NDST4: variants seen among roughly 807,000 people sequenced by gnomAD.
NDST4 encodes N-heparan sulfate sulfotransferase 4.
Under a neutral mutation model 100.8 loss-of-function variants are expected in NDST4, and 63 were observed. The ratio of observed to expected loss-of-function variants is 0.62; its 90% CI spans 0.51 to 0.77. The LOEUF is 0.77. NDST4 is among the 30% of genes least tolerant of loss of function. The pLI, the probability that NDST4 is intolerant of heterozygous loss-of-function variation, is 0.00. For missense variants in NDST4, 943 were observed against 1,018.4 expected, an observed-to-expected ratio of 0.93 and a Z score of 1.01; for synonymous variants, 377 against 361.8, an observed-to-expected ratio of 1.04 and a Z score of -0.48.
chr4:115,055,249 T>C (rs1277854927), intron 2 of NDST4, among the ~76,000 whole-genome samples: 1 of 152,090 alleles, frequency 6.6e-6, no homozygotes, highest in Non-Finnish European at 1.5e-5. Context: ...TATGGTAACG[T>C]GTATAATTAT....
intron 2 of NDST4, among the ~76,000 whole-genome samples, chr4:115,038,742 C>G (rs1019933164): frequency 1.2e-4 from 18 of 152,064 alleles, no homozygotes; most frequent in African/African-American, 4.3e-4. Context: ...TTTGGGAGGC[C>G]AGGAAGGCAG....
At chr4:115,048,097 A>ATTTTT (rs34190385) in intron 2 of NDST4, among the ~76,000 whole-genome samples, 5 of 146,906 alleles carry the variant, frequency 3.4e-5, no homozygotes, top group African/African-American at 1.2e-4. Flanking sequence ...GAAGTTTATA[A>ATTTTT]TTTTTTTTTT....
At chr4:115,021,218 A>T (rs1006583678) in intron 2 of NDST4, among the ~76,000 whole-genome samples, 4 of 123,276 alleles carry the variant, frequency 3.2e-5, no homozygotes, top group Admixed American at 3.0e-4. Flanking sequence ...CCATATATAT[A>T]TATATTCCAC....
At chr4:114,942,388 T>TA (rs1725769127) in intron 4 of NDST4, among the ~76,000 whole-genome samples, 1 of 151,994 alleles carries the variant, frequency 6.6e-6, no homozygotes, top group African/African-American at 2.4e-5. Context: ...TTTAATTTTT[T>TA]AAAAAATATA....
chr4:114,949,107 A>C (rs1023651757), intron 4 of NDST4, among the ~76,000 whole-genome samples: 1 of 152,066 alleles, frequency 6.6e-6, no homozygotes, highest in Non-Finnish European at 1.5e-5. Flanking sequence ...TGAAACAGTG[A>C]AACTAAATTT....
chr4:115,007,815 T>G (rs902643487), intron 2 of NDST4, among the ~76,000 whole-genome samples: 1 of 129,600 alleles, frequency 7.7e-6, no homozygotes, highest in Admixed American at 7.9e-5. Context: ...CTGAAAGAAA[T>G]GTAACTGAGG....
At chr4:114,922,433 C>T (rs1186902544) in intron 6 of NDST4, among the ~76,000 whole-genome samples, 2 of 152,094 alleles carry the variant, frequency 1.3e-5, no homozygotes, top group African/African-American at 2.4e-5. Flanking sequence ...AAAAATCGGG[C>T]GAGAAGTAAC....
intron 9 of NDST4, 73 bp from the exon 10 acceptor site, chr4:114,846,070 G>A (rs1398323338): frequency 8.0e-6 from 9 of 1,122,354 alleles, no homozygotes; most frequent in Non-Finnish European, 1.2e-5. Context: ...TGAAATAATT[G>A]GAACATTTTA....
chr4:114,983,656 G>C (rs1370893138), intron 2 of NDST4, among the ~76,000 whole-genome samples: 1 of 152,110 alleles, frequency 6.6e-6, no homozygotes, highest in Non-Finnish European at 1.5e-5. Flanking sequence ...TAGACTTTTG[G>C]GTTAATGCTG....
At chr4:114,992,063 C>T (rs1007691726) in intron 2 of NDST4, among the ~76,000 whole-genome samples, 16 of 151,816 alleles carry the variant, frequency 1.1e-4, no homozygotes, top group African/African-American at 3.9e-4. Flanking sequence ...ATACCGAATA[C>T]TTATTGCATT....
At chr4:114,872,607 T>G (rs906722081) in intron 6 of NDST4, among the ~76,000 whole-genome samples, 2 of 152,028 alleles carry the variant, frequency 1.3e-5, no homozygotes, top group African/African-American at 4.8e-5. Context: ...GTCTCTAACT[T>G]AGATAAAATC....
At chr4:115,107,471 C>A (rs1044181170) in intron 1 of NDST4, among the ~76,000 whole-genome samples, 1 of 152,056 alleles carries the variant, frequency 6.6e-6, no homozygotes, top group Non-Finnish European at 1.5e-5. Context: ...AATTGCTACT[C>A]CTCATCACAT....
chr4:115,090,424 A>T (rs1007960492), intron 1 of NDST4, among the ~76,000 whole-genome samples: 2 of 151,974 alleles, frequency 1.3e-5, no homozygotes, highest in African/African-American at 4.8e-5. Flanking sequence ...AGCCAAAACT[A>T]AAGTGAAAAA....
At position 114,906,809 on chromosome 4, in the gene NDST4, G is replaced by T. The variant is rs10516607; in HGVS notation, c.1536+28397C>A. On this transcript the variant is annotated intron_variant, in intron 6 of 13. Transcript: ENST00000264363. ...GCCTCCAATCAACTTGGACTTAAAGGTATCTAGATCCAGCTCTTCTGAAGG... is the reference window on the plus strand; with the variant it reads ...GCCTCCAATCAACTTGGACTTAAAGTTATCTAGATCCAGCTCTTCTGAAGG... Among the ~76,000 whole-genome samples the T allele has an allele frequency of 5.1e-3, 772 of 151,914 alleles. 11 individuals are homozygous for T. Among genetic ancestry groups the T allele is most frequent in the Middle Eastern group, 0.027 (8 of 294 alleles).
intron 6 of NDST4, among the ~76,000 whole-genome samples, chr4:114,925,158 T>C (rs190191483): frequency 4.7e-4 from 71 of 152,236 alleles, no homozygotes; most frequent in Middle Eastern, 3.4e-3. Context: ...TTTAAACCAC[T>C]GTGTTTCTAT....
At chr4:114,877,397 C>A (rs1016250442) in intron 6 of NDST4, among the ~76,000 whole-genome samples, 2 of 152,078 alleles carry the variant, frequency 1.3e-5, no homozygotes, top group Non-Finnish European at 2.9e-5. Context: ...ACATGCATGT[C>A]AGCTGATTAC....
chr4:114,900,807 T>C (rs1724820860), intron 6 of NDST4, among the ~76,000 whole-genome samples: 1 of 152,178 alleles, frequency 6.6e-6, no homozygotes, highest in Non-Finnish European at 1.5e-5. Flanking sequence ...TAAGCACTGC[T>C]TTTGCTGCAT....
At chr4:115,052,787 A>ATT in intron 2 of NDST4, among the ~76,000 whole-genome samples, 1 of 152,066 alleles carries the variant, frequency 6.6e-6, no homozygotes, top group Non-Finnish European at 1.5e-5. Flanking sequence ...TTCATTCAAC[A>ATT]AATATTCAGT....
chr4:115,000,983 C>T (rs1041470212), intron 2 of NDST4, among the ~76,000 whole-genome samples: 1 of 152,056 alleles, frequency 6.6e-6, no homozygotes, highest in Non-Finnish European at 1.5e-5. Context: ...CTCCCCTGGG[C>T]ACCTTTACAA....
Sources: allele counts gnomAD v4.1 joint callset (sites outside exome capture counted in the v4.1 genomes callset), GRCh38; gene constraint gnomAD v4.1.1; transcripts MANE v1.5; gene names NCBI Gene and HGNC (gene_info 2026-07-23, HGNC 2026-07-21).